DPP6: variants seen among roughly 807,000 people sequenced by gnomAD.
DPP6 encodes the protein dipeptidyl peptidase like 6.
DPP6 carries 69 observed loss-of-function variants against 122.6 expected under a neutral mutation model. The ratio of observed to expected loss-of-function variants is 0.56; its 90% CI spans 0.46 to 0.69. The LOEUF is 0.69. Among genes scored for constraint, DPP6 ranks in the 30% least tolerant of loss-of-function variants. The pLI is 0.00. For synonymous variants in DPP6, 418 were observed against 433.1 expected (o/e 0.97, Z 0.43); for missense variants, 928 against 1,116.9 (o/e 0.83, Z 2.41).
chr7:154,803,736 AG>A, intron 13 of DPP6, 127 bp from the exon 14 acceptor site: 1 of 1,390,268 alleles, frequency 7.2e-7, no homozygotes. Flanking sequence ...CAGAAGGGGC[AG>A]AGAGCCCTTC....
upstream of DPP6, among the ~76,000 whole-genome samples, chr7:153,886,819 C>T (rs1309931253): frequency 3.3e-5 from 5 of 152,200 alleles, no homozygotes; most frequent in Non-Finnish European, 7.3e-5. Flanking sequence ...TTGCGGGCGA[C>T]GGGCACAGCC....
chr7:154,620,672 T>C (rs1834584328), intron 5 of DPP6, among the ~76,000 whole-genome samples: 1 of 152,232 alleles, frequency 6.6e-6, no homozygotes, highest in African/African-American at 2.4e-5. Flanking sequence ...GTCCTCTCTA[T>C]AGCAGAGGTG....
chr7:154,685,395 T>A (rs1188360774), intron 7 of DPP6, among the ~76,000 whole-genome samples: 1 of 152,186 alleles, frequency 6.6e-6, no homozygotes, highest in Non-Finnish European at 1.5e-5. Context: ...TAACTACGAA[T>A]GCTGTGGCTG....
intron 6 of DPP6, among the ~76,000 whole-genome samples, chr7:154,653,218 G>A (rs768101041): frequency 6.6e-6 from 1 of 152,246 alleles, no homozygotes; most frequent in Non-Finnish European, 1.5e-5. Context: ...GCTGGGCATG[G>A]TGGCACATGC....
At chr7:154,135,006 TGA>T (rs1348168916) in intron 1 of DPP6, among the ~76,000 whole-genome samples, 17 of 151,866 alleles carry the variant, frequency 1.1e-4, no homozygotes, top group African/African-American at 4.1e-4. Flanking sequence ...TTCCTGTGAG[TGA>T]ACACTTCCTG....
chr7:154,157,984 TATAC>T (rs943170097), intron 1 of DPP6, among the ~76,000 whole-genome samples: 3 of 148,274 alleles, frequency 2.0e-5, no homozygotes, highest in African/African-American at 7.4e-5. Context: ...TATAAATATA[TATAC>T]ATATATATTT....
chr7:154,795,795 AAG>A (rs370676710), intron 11 of DPP6, 48 bp from the exon 12 acceptor site: 7,193 of 650,212 alleles, frequency 0.011, 45 homozygotes, highest in East Asian at 0.026. Context: ...AAAAAAAAAA[AAG>A]AAAAGAAAAG....
chr7:153,940,923 A>C (rs1458005122), intron 1 of DPP6, among the ~76,000 whole-genome samples: 1 of 152,084 alleles, frequency 6.6e-6, no homozygotes, highest in Non-Finnish European at 1.5e-5. Context: ...CTGTAGCGAA[A>C]CCTGGAACTT....
At chr7:154,473,250 A>G (rs1822445024) in intron 2 of DPP6, among the ~76,000 whole-genome samples, 1 of 152,214 alleles carries the variant, frequency 6.6e-6, no homozygotes, top group Non-Finnish European at 1.5e-5. Flanking sequence ...TGTCGTGTAT[A>G]TGGAAGTGTG....
chr7:154,473,283 T>C (rs1022506047), intron 2 of DPP6, among the ~76,000 whole-genome samples: 5 of 152,202 alleles, frequency 3.3e-5, no homozygotes, highest in Admixed American at 3.3e-4. Context: ...CCATGTGCCT[T>C]TTCCTGAGGC....
chr7:153,960,061 G>T (rs887469030), intron 1 of DPP6, among the ~76,000 whole-genome samples: 1 of 152,092 alleles, frequency 6.6e-6, no homozygotes, highest in African/African-American at 2.4e-5. Context: ...AAAACCATTT[G>T]GAGCCAAATC....
At chr7:154,717,656 C>T (rs10276166) in intron 7 of DPP6, among the ~76,000 whole-genome samples, 7 of 152,028 alleles carry the variant, frequency 4.6e-5, no homozygotes, top group Non-Finnish European at 1.0e-4. Flanking sequence ...TCGATGGACA[C>T]TTGGGTTGAT....
At chr7:154,044,540 T>C (rs1253418812) in intron 1 of DPP6, among the ~76,000 whole-genome samples, 1 of 152,186 alleles carries the variant, frequency 6.6e-6, no homozygotes, top group Non-Finnish European at 1.5e-5. Context: ...CCTATAAATA[T>C]TAAAGATGCA....
At chr7:153,771,642 C>A in the DPP6 span, among the ~76,000 whole-genome samples, 3 of 152,222 alleles carry the variant, frequency 2.0e-5, no homozygotes, top group Admixed American at 6.5e-5. Context: ...ACCTGGCCCC[C>A]CTGAAGTGAT....
At position 154,545,497 on chromosome 7, in the gene DPP6, A is replaced by T. The variant is rs4725550; in HGVS notation, c.552+4871A>T. ...CTTCCTTCCTTCCTTCCTTCCTTCC[A>T]TCCTTCCTTCCTTCCTTCCTTCCTT... is the stretch of plus-strand genomic sequence containing the variant. On this transcript the variant is annotated intron_variant, in intron 4 of 25. Transcript: ENST00000377770. 4.2e-3 allele frequency among the ~76,000 whole-genome samples: 516 copies of T among 122,036 alleles called. 5 individuals are homozygous for T. The highest frequency in any genetic ancestry group is 0.015 in the African/African-American group (445 of 29,064). 80.1% of individuals were successfully genotyped at this position (122,036 alleles called of 152,430 possible).
At chr7:153,906,256 G>T (rs945418440) in intron 1 of DPP6, among the ~76,000 whole-genome samples, 1 of 152,104 alleles carries the variant, frequency 6.6e-6, no homozygotes, top group Non-Finnish European at 1.5e-5. Flanking sequence ...CGCGGATATA[G>T]TGTGTGGTGG....
intron 1 of DPP6, among the ~76,000 whole-genome samples, chr7:154,359,318 TTA>T (rs748267800): frequency 2.1e-4 from 32 of 152,048 alleles, no homozygotes; most frequent in Non-Finnish European, 3.5e-4. Context: ...GGGATAAGGG[TTA>T]GAGATACAGA....
At chr7:153,810,820 T>A in the DPP6 span, among the ~76,000 whole-genome samples, 1 of 152,016 alleles carries the variant, frequency 6.6e-6, no homozygotes, top group African/African-American at 2.4e-5. Flanking sequence ...ATCAAGAGTT[T>A]AAACATTAAT....
intron 1 of DPP6, among the ~76,000 whole-genome samples, chr7:154,079,495 G>C (rs1306384909): frequency 6.6e-6 from 1 of 152,186 alleles, no homozygotes; most frequent in Non-Finnish European, 1.5e-5. Context: ...TCAAACGAGA[G>C]GCAAGGTGGA....
Sources: allele counts gnomAD v4.1 joint callset (sites outside exome capture counted in the v4.1 genomes callset), GRCh38; gene constraint gnomAD v4.1.1; transcripts MANE v1.5; gene names NCBI Gene and HGNC (gene_info 2026-07-23, HGNC 2026-07-21).